Variants in LYST observed in about 807,000 individuals in gnomAD.
LYST encodes lysosomal-trafficking regulator.
A neutral mutation model predicts 413.6 loss-of-function variants in LYST; 192 were observed. The observed-to-expected ratio is 0.46, with a 90% confidence interval of 0.41 to 0.52. LYST has a LOEUF of 0.52. Ranked by LOEUF, LYST falls within the 20% of genes least tolerant of loss-of-function variation. The probability of loss-of-function intolerance (pLI) is 0.00; values close to 1 mark genes in which losing one functional copy is unlikely to be tolerated. For missense variants in LYST, 3,815 were observed against 4,499.9 expected, an observed-to-expected ratio of 0.85 and a Z score of 4.35; for synonymous variants, 1,525 against 1,567.3, an observed-to-expected ratio of 0.97 and a Z score of 0.64.
intron 1 of LYST, among the ~76,000 whole-genome samples, chr1:235,835,878 C>T (rs1005261469): frequency 1.3e-5 from 2 of 152,152 alleles, no homozygotes; most frequent in Non-Finnish European, 2.9e-5. Flanking sequence ...TTACTTTTTA[C>T]CTTTCATAGC....
At chr1:235,804,473 A>G (rs928206524) in intron 7 of LYST, 31 bp downstream of exon 7, 3 of 1,588,302 alleles carry the variant, frequency 1.9e-6, no homozygotes, top group African/African-American at 2.7e-5. Context: ...GGTCATACCC[A>G]AAGAACACAA....
intron 3 of LYST, among the ~76,000 whole-genome samples, chr1:235,820,511 A>T (rs1312918363): frequency 7.2e-5 from 11 of 152,038 alleles, no homozygotes; most frequent in South Asian, 2.1e-4. Flanking sequence ...CTGGGACTAC[A>T]GGCACGTGCC....
At chr1:235,758,840 T>G (rs1667287903) in intron 23 of LYST, 132 bp downstream of exon 23, 1 of 735,814 alleles carries the variant, frequency 1.4e-6, no homozygotes, top group Middle Eastern at 3.5e-4. Flanking sequence ...GTTATTATTA[T>G]GTATATAAAG....
rs544626222 is a variant in LYST, at chr1:235,785,944, C to A, written c.4862+1256G>T. Among the ~76,000 whole-genome samples the A allele has an allele frequency of 9.2e-5, 14 of 152,294 alleles. No homozygotes were observed. The South Asian group carries it at 2.9e-3, about 32-fold the overall frequency. On this transcript the variant is annotated intron_variant, in intron 14 of 52. Transcript: ENST00000389793. The stretch of plus-strand genomic sequence containing the variant: ...TATGTGGTAAAAATCATACAGTACT[C>A]TCCCTGAATCTATCACTTGGTATAT...
At chr1:235,737,106 C>T (rs1664888604) in intron 31 of LYST, 1 of 152,030 alleles carries the variant, frequency 6.6e-6, no homozygotes, top group South Asian at 2.1e-4. Flanking sequence ...ATAAAGAAAA[C>T]TATTTTAAGT....
At chr1:235,766,389 C>T (rs1333254362) in intron 20 of LYST, 112 bp from the exon 21 acceptor site, 1 of 714,806 alleles carries the variant, frequency 1.4e-6, no homozygotes, top group African/African-American at 1.8e-5. Context: ...GTTTACTACT[C>T]TAGTCTGATC....
Position 235,746,493 on chromosome 1 carries a change from CGAT to C in LYST, c.7812_7814del (p.Ser2605del). On this transcript the variant is annotated inframe_deletion, in exon 29 of 53. Coordinates refer to ENST00000389793, the MANE Select transcript of LYST (RefSeq NM_000081.4). Reference sequence around the variant, plus strand: ...CCACTGAACGCATTTTCATCAGAAGCGATTCAGTTTGAGCAAGGGGAAATTTTC... The same window carrying C: ...CCACTGAACGCATTTTCATCAGAAGCTCAGTTTGAGCAAGGGGAAATTTTC... 6.2e-7 allele frequency: 1 copy of C among 1,613,600 alleles called. No homozygotes were observed. Among genetic ancestry groups the C allele is most frequent in the Non-Finnish European group, 8.5e-7 (1 of 1,179,792 alleles).
At chr1:235,718,986 C>T (rs1035280666) in intron 40 of LYST, among the ~76,000 whole-genome samples, 6 of 152,062 alleles carry the variant, frequency 3.9e-5, no homozygotes, top group African/African-American at 1.4e-4. Flanking sequence ...TCTTTGGCAG[C>T]GAGAGGCACT....
chr1:235,817,361 T>A (rs1443956331), intron 3 of LYST, among the ~76,000 whole-genome samples: 1 of 152,094 alleles, frequency 6.6e-6, no homozygotes, highest in Non-Finnish European at 1.5e-5. Context: ...AACCCAGCAA[T>A]CCCATTATTG....
chr1:235,685,711 T>C (rs891069959), intron 48 of LYST, among the ~76,000 whole-genome samples: 1 of 151,774 alleles, frequency 6.6e-6, no homozygotes, highest in African/African-American at 2.4e-5. Flanking sequence ...CCGGGTGTGG[T>C]GGTGTGCGCC....
At chr1:235,836,080 T>C (rs1420312097) in intron 1 of LYST, among the ~76,000 whole-genome samples, 1 of 152,156 alleles carries the variant, frequency 6.6e-6, no homozygotes, top group African/African-American at 2.4e-5. Flanking sequence ...CTCAGAAAAA[T>C]AATGTTTCAC....
rs1029098601 is a variant in LYST at position 235,759,338 on chromosome 1, T to G, written c.6515A>C (p.Lys2172Thr). The G allele has an allele frequency of 6.2e-7, 1 of 1,614,034 alleles. No individual in the cohort carries two copies. The highest frequency in any genetic ancestry group is 8.5e-7 in the Non-Finnish European group (1 of 1,180,022). ...GACAGCTTCCATTTCACAAACAGTTTTTGCAGACTCACAGCTACTGATGAA... is the reference window on the plus strand; with the variant it reads ...GACAGCTTCCATTTCACAAACAGTTGTTGCAGACTCACAGCTACTGATGAA... ...DAFISSCESA[K>T]TVCEMEAVLS... The change falls in exon 23 of 53, where the codon AAA becomes ACA. Residue 2172 changes from lysine (K) to threonine (T), a missense_variant. By Grantham distance (78) the Lys-to-Thr change is moderately conservative. Around this residue, in one of 4 missense-constraint regions of LYST, gnomAD observed 771 missense variants for 837.1 expected, o/e 0.92. Coordinates refer to ENST00000389793, the MANE Select transcript of LYST (RefSeq NM_000081.4).
rs1417578345 is a variant in LYST at position 235,809,220 on chromosome 1, A to G, written c.1598T>C (p.Phe533Ser). ...AFKNQVSKNP[F>S]EETADGDVYY... is the part of the protein sequence containing the mutation. Reference sequence around the variant, plus strand: ...AACATCTCCATCTGCAGTCTCTTCAAATGGGTTTTTGGAAACCTGGTTTTT... The same window carrying G: ...AACATCTCCATCTGCAGTCTCTTCAGATGGGTTTTTGGAAACCTGGTTTTT... Residue 533 changes from phenylalanine to serine, a missense_variant, in exon 5 of 53, where the codon TTT becomes TCT. This residue lies in a region of LYST where 1,648 missense variants were observed against 1,810.3 expected (regional missense o/e 0.91). Coordinates refer to ENST00000389793, the MANE Select transcript of LYST (RefSeq NM_000081.4). The surrounding 1 kb of genome is among the most constrained non-coding windows in gnomAD (Gnocchi z 4.0). The G allele has an allele frequency of 1.2e-6, 2 of 1,613,886 alleles. No individual in the cohort carries two copies. The highest frequency in any genetic ancestry group is 1.7e-6 in the Non-Finnish European group (2 of 1,179,968).
chr1:235,804,060 C>T (rs1345055187), intron 7 of LYST, among the ~76,000 whole-genome samples: 1 of 152,070 alleles, frequency 6.6e-6, no homozygotes, highest in Non-Finnish European at 1.5e-5. Context: ...TATGTAGGCA[C>T]TAGTCATTTT....
chr1:235,715,305 G>A lies in LYST; in HGVS notation c.9680C>T (p.Pro3227Leu). ...KGAREDDPMP[P>L]VQPYHYGSHY... ...GGAGCCATAGTGATAGGGCTGCACGGGAGGCATGGGGTCATCTTCTCTGGC... is the reference window on the plus strand; with the variant it reads ...GGAGCCATAGTGATAGGGCTGCACGAGAGGCATGGGGTCATCTTCTCTGGC... The change falls in exon 42 of 53, where the codon CCC (proline) becomes CTC (leucine). Residue 3227 changes from proline (P) to leucine (L), a missense_variant. Pro to Leu is a moderately conservative substitution (Grantham distance 98). Around this residue, in one of 4 missense-constraint regions of LYST, gnomAD observed 866 missense variants for 1,156.0 expected, o/e 0.75. Coordinates refer to ENST00000389793, the MANE Select transcript of LYST (RefSeq NM_000081.4). The A allele has an allele frequency of 6.2e-7, 1 of 1,614,008 alleles. No individual in the cohort carries two copies. Among genetic ancestry groups the A allele is most frequent in the Non-Finnish European group, 8.5e-7 (1 of 1,179,942 alleles).
intron 4 of LYST, among the ~76,000 whole-genome samples, chr1:235,811,385 A>G (rs1673436432): frequency 6.6e-6 from 1 of 152,204 alleles, no homozygotes; most frequent in Admixed American, 6.5e-5. Flanking sequence ...AGATTTTTCT[A>G]AAATTATTTC....
Position 235,759,408 on chromosome 1 carries a change from A to T in LYST, c.6445T>A (p.Ser2149Thr), listed in dbSNP as rs756757873. The T allele has an allele frequency of 5.9e-5, 96 of 1,614,000 alleles. No individual in the cohort carries two copies. The highest frequency in any genetic ancestry group is 8.0e-5 in the Non-Finnish European group (94 of 1,180,004). The change falls in exon 23 of 53, where the codon TCT (serine) becomes ACT (threonine). Residue 2149 changes from serine (S) to threonine (T), a missense_variant. Physicochemically the swap from Ser to Thr is moderately conservative, Grantham distance 58 (BLOSUM62 1). Coordinates refer to ENST00000389793, the MANE Select transcript of LYST (RefSeq NM_000081.4). The part of the protein sequence containing the change: ...YVATQSKKQN[S>T]LGSSDTLKKG... ...TTCAGTGTGTCGGAACTCCCCAAAG[A>T]ATTTTGTTTCTTTGATTGGGTGGCA... is the stretch of plus-strand genomic sequence containing the variant.
chr1:235,804,226 T>C (rs1672560373), intron 7 of LYST, among the ~76,000 whole-genome samples: 1 of 152,206 alleles, frequency 6.6e-6, no homozygotes, highest in African/African-American at 2.4e-5. Context: ...TCAAGTAATA[T>C]ATTTCTGTCT....
intron 16 of LYST, among the ~76,000 whole-genome samples, chr1:235,778,342 G>A (rs967458848): frequency 6.6e-6 from 1 of 151,122 alleles, no homozygotes; most frequent in African/African-American, 2.4e-5. Context: ...AACTGGATGG[G>A]GGCCTTGTGC....
Sources: gnomAD v4.1 joint callset for allele counts (sites outside exome capture counted in the v4.1 genomes callset) on GRCh38, gnomAD v4.1.1 for gene constraint, gnomAD v4.1.1 regional missense constraint, Gnocchi (gnomAD v3.1) non-coding constraint, MANE v1.5 for transcripts, NCBI Gene and HGNC (gene_info 2026-07-23, HGNC 2026-07-21) for gene names.